KALRN: variants seen among roughly 807,000 people sequenced by gnomAD.
KALRN encodes kalirin.
A neutral mutation model predicts 353.7 loss-of-function variants in KALRN; 70 were observed. The ratio of observed to expected loss-of-function variants is 0.20; its 90% CI spans 0.16 to 0.24. The LOEUF is 0.24. Ranked by LOEUF, KALRN falls within the 10% of genes least tolerant of loss-of-function variation. The pLI, the probability that KALRN is intolerant of heterozygous loss-of-function variation, is 1.00. For missense variants in KALRN, 2,791 were observed against 3,756.7 expected, an observed-to-expected ratio of 0.74 and a Z score of 6.72; for synonymous variants, 1,391 against 1,434.8, an observed-to-expected ratio of 0.97 and a Z score of 0.69.
At chr3:124,313,358 T>C (rs2078477558) in intron 6 of KALRN, among the ~76,000 whole-genome samples, 1 of 152,180 alleles carries the variant, frequency 6.6e-6, no homozygotes, top group Admixed American at 6.5e-5. Context: ...AGGGAACCTG[T>C]GATTGCAAAG....
intron 1 of KALRN, among the ~76,000 whole-genome samples, chr3:124,161,785 G>A (rs2070001608): frequency 6.6e-6 from 1 of 152,142 alleles, no homozygotes; most frequent in Non-Finnish European, 1.5e-5. Context: ...CTAGCTCCAA[G>A]GTGTTTTTGA....
chr3:124,671,412 C>A (rs2086430150), intron 47 of KALRN, among the ~76,000 whole-genome samples: 1 of 152,206 alleles, frequency 6.6e-6, no homozygotes, highest in African/African-American at 2.4e-5. Flanking sequence ...GTTATTACCA[C>A]CACACACATA....
intron 10 of KALRN, among the ~76,000 whole-genome samples, chr3:124,356,005 G>A (rs577080593): frequency 9.9e-5 from 15 of 151,846 alleles, no homozygotes; most frequent in East Asian, 7.8e-4. Flanking sequence ...GTGAGCCACC[G>A]CGCCCAGCCT....
intron 14 of KALRN, among the ~76,000 whole-genome samples, chr3:124,420,761 A>C (rs950079226): frequency 2.0e-5 from 3 of 152,232 alleles, no homozygotes; most frequent in African/African-American, 7.2e-5. Context: ...TTGTCCTTAT[A>C]TAAAACACTA....
At chr3:124,383,025 A>C (rs1174170232) in intron 10 of KALRN, among the ~76,000 whole-genome samples, 2 of 152,150 alleles carry the variant, frequency 1.3e-5, no homozygotes, top group East Asian at 3.8e-4. Flanking sequence ...GTTGGGGCCA[A>C]GTGATTTTTC....
chr3:124,608,650 G>A (rs1268463564), intron 34 of KALRN, among the ~76,000 whole-genome samples: 1 of 152,120 alleles, frequency 6.6e-6, no homozygotes, highest in Non-Finnish European at 1.5e-5. Flanking sequence ...CCAAGAGTTG[G>A]GAACAAAGAC....
At chr3:124,404,634 G>T (rs1351237054) in intron 13 of KALRN, among the ~76,000 whole-genome samples, 2 of 145,282 alleles carry the variant, frequency 1.4e-5, no homozygotes, top group Admixed American at 6.9e-5. Flanking sequence ...TTTATATTTT[G>T]TCACTCAAAT....
chr3:124,148,901 A>G (rs2067717891), intron 1 of KALRN, among the ~76,000 whole-genome samples: 1 of 152,234 alleles, frequency 6.6e-6, no homozygotes, highest in African/African-American at 2.4e-5. Context: ...CAGAAAATCC[A>G]TCATTTTTTA....
chr3:124,110,451 T>TCA (rs1190576888), intron 1 of KALRN, among the ~76,000 whole-genome samples: 4 of 120,898 alleles, frequency 3.3e-5, no homozygotes, highest in African/African-American at 1.3e-4. Flanking sequence ...TGTATATATT[T>TCA]CATATATACA....
chr3:124,217,918 C>T (rs183481550), intron 1 of KALRN, among the ~76,000 whole-genome samples: 231 of 152,298 alleles, frequency 1.5e-3, no homozygotes, highest in Non-Finnish European at 2.7e-3. Context: ...CCAGTGTATT[C>T]CTGTGACATT....
chr3:124,541,574 G>A (rs963650990), intron 33 of KALRN, among the ~76,000 whole-genome samples: 10 of 151,782 alleles, frequency 6.6e-5, no homozygotes, highest in Non-Finnish European at 1.5e-4. Context: ...TTAGTTGCTT[G>A]GAAAAGAGCT....
At chr3:124,593,642 G>A (rs536040513) in intron 34 of KALRN, among the ~76,000 whole-genome samples, 2 of 152,108 alleles carry the variant, frequency 1.3e-5, no homozygotes, top group African/African-American at 4.8e-5. Context: ...ATAATGGAAG[G>A]CTCCCTGTGT....
At chr3:124,242,847 G>A (rs2080658076) in intron 3 of KALRN, among the ~76,000 whole-genome samples, 1 of 152,142 alleles carries the variant, frequency 6.6e-6, no homozygotes, top group African/African-American at 2.4e-5. Flanking sequence ...TTTGTGTTCA[G>A]TTTTAGATGC....
chr3:124,038,759 A>G (rs927638335), intron 1 of KALRN, among the ~76,000 whole-genome samples: 39 of 152,330 alleles, frequency 2.6e-4, no homozygotes, highest in African/African-American at 9.4e-4. Context: ...TCAACTCTGT[A>G]TATCTTTCCA....
intron 1 of KALRN, chr3:124,094,804 G>A (rs775714687): frequency 1.1e-5 from 18 of 1,599,888 alleles, no homozygotes; most frequent in Non-Finnish European, 1.5e-5. Context: ...GCTCTGCCGA[G>A]GGGACTGGCT....
At chr3:124,342,498 T>C (rs1325379300) in intron 9 of KALRN, among the ~76,000 whole-genome samples, 2 of 152,236 alleles carry the variant, frequency 1.3e-5, no homozygotes, top group African/African-American at 4.8e-5. Flanking sequence ...TTTCATTCTT[T>C]TTTATGGCTG....
At chr3:124,342,685 T>C (rs2081883217) in intron 9 of KALRN, among the ~76,000 whole-genome samples, 1 of 152,200 alleles carries the variant, frequency 6.6e-6, no homozygotes, top group Non-Finnish European at 1.5e-5. Flanking sequence ...ATTACTTCTT[T>C]GAAACTAAAG....
intron 57 of KALRN, among the ~76,000 whole-genome samples, chr3:124,705,399 T>C (rs1559874000): frequency 1.3e-5 from 2 of 152,302 alleles, no homozygotes; most frequent in South Asian, 2.1e-4. Context: ...TTCATGTTTT[T>C]CTTCTACAGA....
intron 47 of KALRN, among the ~76,000 whole-genome samples, chr3:124,670,812 T>A (rs1185939884): frequency 6.6e-6 from 1 of 152,190 alleles, no homozygotes; most frequent in African/African-American, 2.4e-5. Flanking sequence ...TTAAACTCAA[T>A]AAAACAAAGC....
Sources: allele counts gnomAD v4.1 joint callset (sites outside exome capture counted in the v4.1 genomes callset), GRCh38; gene constraint gnomAD v4.1.1; transcripts MANE v1.5; gene names NCBI Gene and HGNC (gene_info 2026-07-23, HGNC 2026-07-21).